The following NTRK2 variants were observed in gnomAD, a reference collection of about 807,000 sequenced individuals.
NTRK2 encodes neurotrophic receptor tyrosine kinase 2.
Under a neutral mutation model 94.5 loss-of-function variants are expected in NTRK2, and 13 were observed. The ratio of observed to expected loss-of-function variants is 0.14; its 90% CI spans 0.09 to 0.22. The LOEUF (loss-of-function observed/expected upper bound fraction) is 0.22. Among genes scored for constraint, NTRK2 ranks in the 10% least tolerant of loss-of-function variants. The pLI, the probability that NTRK2 is intolerant of heterozygous loss-of-function variation, is 1.00. For missense variants in NTRK2, 639 were observed against 1,071.2 expected (o/e 0.60, Z 5.63); for synonymous variants, 372 against 407.4 (o/e 0.91, Z 1.05).
At chr9:84,940,158 G>T (rs145696284) in intron 15 of NTRK2, among the ~76,000 whole-genome samples, 2 of 152,310 alleles carry the variant, frequency 1.3e-5, no homozygotes, top group African/African-American at 2.4e-5. Context: ...TGGACTGAAC[G>T]TGGGGAAGTA....
At chr9:84,672,059 G>A (rs1441466874) in intron 2 of NTRK2, among the ~76,000 whole-genome samples, 1 of 152,164 alleles carries the variant, frequency 6.6e-6, no homozygotes, top group African/African-American at 2.4e-5. Flanking sequence ...CCCTAAAGTG[G>A]GGCTTGGGCT....
chr9:84,970,111 C>T (rs1467090231), intron 17 of NTRK2, among the ~76,000 whole-genome samples: 1 of 152,138 alleles, frequency 6.6e-6, no homozygotes, highest in East Asian at 1.9e-4. Flanking sequence ...AATAATAGGG[C>T]CGGGCATGGT....
intron 12 of NTRK2, among the ~76,000 whole-genome samples, chr9:84,808,489 A>T (rs2133506801): frequency 6.6e-6 from 1 of 152,298 alleles, no homozygotes; most frequent in South Asian, 2.1e-4. Flanking sequence ...TGACATCCTT[A>T]TATTAATACT....
chr9:84,897,721 C>A (rs1391121795), intron 14 of NTRK2, among the ~76,000 whole-genome samples: 1 of 152,214 alleles, frequency 6.6e-6, no homozygotes, highest in Admixed American at 6.5e-5. Flanking sequence ...CACACCCTCA[C>A]AAACCACTTC....
At chr9:84,882,825 G>A (rs1012217024) in intron 14 of NTRK2, among the ~76,000 whole-genome samples, 2 of 152,082 alleles carry the variant, frequency 1.3e-5, no homozygotes, top group Non-Finnish European at 2.9e-5. Context: ...GCTGGAGTTC[G>A]CGATCTCGGC....
At chr9:84,705,909 C>T (rs2061026830) in intron 4 of NTRK2, among the ~76,000 whole-genome samples, 1 of 151,674 alleles carries the variant, frequency 6.6e-6, no homozygotes, top group South Asian at 2.1e-4. Context: ...CCTGCCTCAG[C>T]CTCCCAAGTA....
intron 6 of NTRK2, among the ~76,000 whole-genome samples, chr9:84,711,769 G>A (rs749146616): frequency 2.6e-5 from 4 of 152,086 alleles, no homozygotes; most frequent in East Asian, 3.9e-4. Context: ...GTAGGAATGC[G>A]ATAAAAATAA....
At chr9:84,727,414 T>C (rs2062543649) in intron 8 of NTRK2, among the ~76,000 whole-genome samples, 1 of 152,180 alleles carries the variant, frequency 6.6e-6, no homozygotes, top group African/African-American at 2.4e-5. Flanking sequence ...ATTTGAGAAA[T>C]GACTGTAATG....
intron 12 of NTRK2, among the ~76,000 whole-genome samples, chr9:84,809,740 C>T (rs909254075): frequency 2.0e-5 from 3 of 151,360 alleles, no homozygotes; most frequent in African/African-American, 4.9e-5. Context: ...AAATTAGCCG[C>T]GCGTGGTGGC....
chr9:84,734,807 T>G (rs2063138093), intron 9 of NTRK2, among the ~76,000 whole-genome samples: 1 of 152,184 alleles, frequency 6.6e-6, no homozygotes, highest in Non-Finnish European at 1.5e-5. Context: ...CTTTATAAAT[T>G]ACCCAGTCCT....
chr9:84,960,585 C>T (rs6559840), intron 17 of NTRK2, among the ~76,000 whole-genome samples: 48,694 of 152,014 alleles, frequency 0.32, 8,187 homozygotes, highest in East Asian at 0.47. Flanking sequence ...ATAGACTCAT[C>T]CCACAGATGT....
At chr9:84,876,665 A>G (rs1481044193) in intron 14 of NTRK2, 3 of 1,059,144 alleles carry the variant, frequency 2.8e-6, no homozygotes, top group East Asian at 1.0e-4. Flanking sequence ...ATTTTTTTCC[A>G]TATGTATTAG....
intron 12 of NTRK2, among the ~76,000 whole-genome samples, chr9:84,850,027 T>C (rs2131872557): frequency 6.6e-6 from 1 of 152,200 alleles, no homozygotes; most frequent in South Asian, 2.1e-4. Context: ...ACATAAATAA[T>C]GAATGCAGTG....
chr9:84,879,472 T>G (rs1390627852), intron 14 of NTRK2, among the ~76,000 whole-genome samples: 1 of 152,236 alleles, frequency 6.6e-6, no homozygotes. Context: ...ATTTGCATTC[T>G]CTATTTTTAT....
chr9:84,898,723 T>G (rs572405524), intron 14 of NTRK2, among the ~76,000 whole-genome samples: 1 of 152,000 alleles, frequency 6.6e-6, no homozygotes, highest in Non-Finnish European at 1.5e-5. Flanking sequence ...TTTTTTCTCT[T>G]TTTTTTCCTC....
chr9:84,873,946 G>A (rs986333612), intron 14 of NTRK2: 73 of 1,062,642 alleles, frequency 6.9e-5, no homozygotes, highest in Non-Finnish European at 8.0e-5. Context: ...CCTCATCATC[G>A]GCCAACCAAG....
intron 17 of NTRK2, among the ~76,000 whole-genome samples, chr9:84,997,789 G>A (rs186528474): frequency 7.2e-5 from 11 of 152,142 alleles, no homozygotes; most frequent in African/African-American, 2.2e-4. Context: ...GGGGCTGGGG[G>A]GTGTTCAGCC....
intron 12 of NTRK2, among the ~76,000 whole-genome samples, chr9:84,769,127 T>G (rs2066298450): frequency 6.6e-6 from 1 of 152,212 alleles, no homozygotes; most frequent in Admixed American, 6.5e-5. Context: ...TGTACTCTGC[T>G]CTTCCAGTTC....
chr9:84,997,181 AG>A (rs943629485), intron 17 of NTRK2, among the ~76,000 whole-genome samples: 68 of 152,180 alleles, frequency 4.5e-4, no homozygotes, highest in African/African-American at 1.6e-3. Context: ...GTAGCCAGAC[AG>A]GTAGGTATAG....
Sources: allele counts gnomAD v4.1 joint callset (sites outside exome capture counted in the v4.1 genomes callset), GRCh38; gene constraint gnomAD v4.1.1; transcripts MANE v1.5; gene names NCBI Gene and HGNC (gene_info 2026-07-23, HGNC 2026-07-21).